EIF4B: variants seen among roughly 807,000 people sequenced by gnomAD.
The protein encoded by EIF4B is eukaryotic translation initiation factor 4B.
EIF4B carries 8 observed loss-of-function variants against 79.3 expected under a neutral mutation model. That is an observed-to-expected ratio of 0.10 (90% confidence interval 0.06 to 0.18). EIF4B has a LOEUF of 0.18. EIF4B is among the 10% of genes least tolerant of loss of function. The pLI, the probability that EIF4B is intolerant of heterozygous loss-of-function variation, is 1.00. For synonymous variants in EIF4B, 238 were observed against 274.7 expected (o/e 0.87, Z 1.32); for missense variants, 515 against 792.4 (o/e 0.65, Z 4.20).
chr12:53,018,250 A>C (rs746950918), intron 2 of EIF4B, among the ~76,000 whole-genome samples: 2 of 152,072 alleles, frequency 1.3e-5, no homozygotes, highest in Non-Finnish European at 2.9e-5. Context: ...GGCCTCCCGA[A>C]GTGTTGGGAT....
chr12:53,037,112 C>T (rs1344347291), intron 10 of EIF4B, among the ~76,000 whole-genome samples: 1 of 152,206 alleles, frequency 6.6e-6, no homozygotes, highest in African/African-American at 2.4e-5. Flanking sequence ...TGTATATTCT[C>T]CAGGTCAAGA....
At chr12:53,036,208 G>T (rs1384554155) in intron 10 of EIF4B, among the ~76,000 whole-genome samples, 3 of 151,950 alleles carry the variant, frequency 2.0e-5, no homozygotes, top group Non-Finnish European at 4.4e-5. Flanking sequence ...TGCCTCCCGG[G>T]TTCAAGTGAT....
Position 53,039,343 on chromosome 12 carries a change from G to A in EIF4B, c.1682G>A (p.Arg561Lys), listed in dbSNP as rs1485135115. The A allele has an allele frequency of 6.3e-7, 1 of 1,583,806 alleles. No individual in the cohort carries two copies. Among genetic ancestry groups the A allele is most frequent in the East Asian group, 2.2e-5 (1 of 44,672 alleles). Residue 561 changes from arginine (R) to lysine (K), a missense_variant and splice_region_variant, in exon 13 of 15, where the codon AGG becomes AAG. By Grantham distance (26) the Arg-to-Lys change is conservative. This residue lies in a region of EIF4B where 146 missense variants were observed against 228.0 expected (regional missense o/e 0.64). Coordinates refer to ENST00000262056, the MANE Select transcript of EIF4B (RefSeq NM_001417.7). ...GNRDHWKESD[R>K]KDGKKDQDSR... ...AGAGACCACTGGAAGGAGTCAGATAGGTATGCTTGTTCTCTTTCTCATCTT... is the reference window on the plus strand; with the variant it reads ...AGAGACCACTGGAAGGAGTCAGATAAGTATGCTTGTTCTCTTTCTCATCTT...
At chr12:53,037,786 TC>T (rs1592229328) in intron 11 of EIF4B, 164 bp downstream of exon 11, 1 of 751,982 alleles carries the variant, frequency 1.3e-6, no homozygotes, top group East Asian at 2.7e-5. Context: ...ACCTAGTTGT[TC>T]CATTTTCTGG....
Position 53,027,322 on chromosome 12 carries a change from C to G in EIF4B, c.668-460C>G, listed in dbSNP as rs192533859. On this transcript the variant is annotated intron_variant, in intron 6 of 14. Coordinates refer to ENST00000262056, the MANE Select transcript of EIF4B (RefSeq NM_001417.7). ...CTAATTTTTGTATCCTTAGTAGAGA[C>G]GGGGTTTCACCATGTTGGCCAGGAT... Among the ~76,000 whole-genome samples the G allele has an allele frequency of 7.2e-4, 108 of 150,730 alleles. 2 individuals carry two copies. In the East Asian group the frequency reaches 0.02, roughly 27 times the overall value.
At chr12:53,017,922 C>T (rs893213079) in intron 2 of EIF4B, among the ~76,000 whole-genome samples, 2 of 152,120 alleles carry the variant, frequency 1.3e-5, no homozygotes, top group Admixed American at 6.6e-5. Flanking sequence ...GTCGTACTTC[C>T]CATAGGTGTT....
chr12:53,034,112 G>A (rs1198337506), intron 9 of EIF4B, 78 bp downstream of exon 9: 6 of 1,410,844 alleles, frequency 4.3e-6, no homozygotes, highest in Non-Finnish European at 5.8e-6. Context: ...GGGGCATTTG[G>A]GAAATTTGTG....
Position 53,016,485 on chromosome 12 carries a change from A to G in EIF4B, c.26A>G (p.Asn9Ser). Residue 9 changes from asparagine to serine, a missense_variant, in exon 2 of 15, where the codon AAT (asparagine) becomes AGT (serine). By Grantham distance (46) the Asn-to-Ser change is conservative (BLOSUM62 1). Transcript: ENST00000262056. The stretch of plus-strand genomic sequence containing the variant: ...CCTTTTAAAACAGCAAAAAAGAAGA[A>G]TAAGAAGGGGAAGACTATCTCCCTA... MAASAKKK[N>S]KKGKTISLTD... 6.2e-7 allele frequency: 1 copy of G among 1,612,478 alleles called. No homozygotes were observed. The highest frequency in any genetic ancestry group is 8.5e-7 in the Non-Finnish European group (1 of 1,179,866).
intron 3 of EIF4B, 115 bp downstream of exon 3, chr12:53,019,121 G>A (rs1050394843): frequency 1.9e-5 from 24 of 1,264,548 alleles, no homozygotes; most frequent in African/African-American, 1.2e-4. Context: ...ATTTAAGGCC[G>A]GGAATGGTGG....
At chr12:53,033,493 C>T (rs1389962005) in intron 8 of EIF4B, among the ~76,000 whole-genome samples, 3 of 151,940 alleles carry the variant, frequency 2.0e-5, no homozygotes, top group Non-Finnish European at 2.9e-5. Flanking sequence ...CAGGTGCGCG[C>T]CCCAACGCCC....
intron 5 of EIF4B, 113 bp downstream of exon 5, chr12:53,021,973 AAC>A: frequency 7.8e-7 from 1 of 1,277,936 alleles, no homozygotes; most frequent in Non-Finnish European, 1.1e-6. Flanking sequence ...AATCTACAGT[AAC>A]AGTTTTCAAT....
intron 1 of EIF4B, chr12:53,014,725 C>T (rs1315974486): frequency 6.6e-6 from 1 of 152,166 alleles, no homozygotes; most frequent in Non-Finnish European, 1.5e-5. Context: ...CAAAGGGGTA[C>T]ATCAAGTTTG....
intron 12 of EIF4B, 96 bp from the exon 13 acceptor site, chr12:53,039,142 T>C (rs1464860398): frequency 7.9e-6 from 7 of 885,982 alleles, no homozygotes; most frequent in Non-Finnish European, 8.8e-6. Flanking sequence ...CCTCAGTACA[T>C]GTGGGCACAA....
At chr12:53,035,392 C>T (rs1251619491) in intron 10 of EIF4B, among the ~76,000 whole-genome samples, 1 of 150,078 alleles carries the variant, frequency 6.7e-6, no homozygotes, top group Non-Finnish European at 1.5e-5. Flanking sequence ...TTTTTGAGAC[C>T]GAGTCTCGCT....
At chr12:53,032,879 C>T (rs575991223) in intron 8 of EIF4B, among the ~76,000 whole-genome samples, 190 of 152,066 alleles carry the variant, frequency 1.2e-3, no homozygotes, top group African/African-American at 4.4e-3. Flanking sequence ...CCATATTGGT[C>T]AGGCTGGTCT....
At chr12:53,015,680 CAA>C (rs35255041) in intron 1 of EIF4B, among the ~76,000 whole-genome samples, 1 of 143,598 alleles carries the variant, frequency 7.0e-6, no homozygotes, top group African/African-American at 2.6e-5. Flanking sequence ...GACCCTGTCT[CAA>C]AAAAAAAAAA....
At chr12:53,022,758 G>T in intron 6 of EIF4B, 131 bp downstream of exon 6, 1 of 1,203,586 alleles carries the variant, frequency 8.3e-7, no homozygotes, top group Non-Finnish European at 1.1e-6. Flanking sequence ...AAAAATTTTG[G>T]ATAGTATCTG....
chr12:53,023,343 C>T (rs1943279749), intron 6 of EIF4B, among the ~76,000 whole-genome samples: 1 of 152,250 alleles, frequency 6.6e-6, no homozygotes, highest in African/African-American at 2.4e-5. Flanking sequence ...AGTGATTCTC[C>T]TGCCTCAGCC....
At chr12:53,024,107 G>T (rs1943295788) in intron 6 of EIF4B, among the ~76,000 whole-genome samples, 1 of 152,134 alleles carries the variant, frequency 6.6e-6, no homozygotes, top group Non-Finnish European at 1.5e-5. Flanking sequence ...CAGTTGGGGT[G>T]CGGAAAGATA....
Sources: gnomAD v4.1 joint callset for allele counts (sites outside exome capture counted in the v4.1 genomes callset) on GRCh38, gnomAD v4.1.1 for gene constraint, gnomAD v4.1.1 regional missense constraint, MANE v1.5 for transcripts, NCBI Gene and HGNC (gene_info 2026-07-23, HGNC 2026-07-21) for gene names.